DOK6: variants seen among roughly 807,000 people sequenced by gnomAD.
DOK6 encodes downstream of tyrosine kinase 6.
A neutral mutation model predicts 44.0 loss-of-function variants in DOK6; 22 were observed. The ratio of observed to expected loss-of-function variants is 0.50; its 90% CI spans 0.36 to 0.71. The LOEUF is 0.71. Among genes scored for constraint, DOK6 ranks in the 30% least tolerant of loss-of-function variants. The pLI, the probability that DOK6 is intolerant of heterozygous loss-of-function variation, is 0.00. For missense variants in DOK6, 340 were observed against 416.4 expected, an observed-to-expected ratio of 0.82 and a Z score of 1.60; for synonymous variants, 166 against 145.5, an observed-to-expected ratio of 1.14 and a Z score of -1.01.
chr18:69,709,206 T>A (rs2144713416), intron 5 of DOK6, among the ~76,000 whole-genome samples: 1 of 152,290 alleles, frequency 6.6e-6, no homozygotes, highest in African/African-American at 2.4e-5. Flanking sequence ...ATGGTGGTAA[T>A]AACCACATGC....
chr18:69,405,645 G>A (rs931871123), intron 1 of DOK6, among the ~76,000 whole-genome samples: 1 of 151,296 alleles, frequency 6.6e-6, no homozygotes, highest in African/African-American at 2.5e-5. Context: ...ATGTGCATAT[G>A]TGCATTTGTA....
intron 1 of DOK6, among the ~76,000 whole-genome samples, chr18:69,533,947 A>G (rs926717655): frequency 6.6e-6 from 1 of 152,196 alleles, no homozygotes; most frequent in Non-Finnish European, 1.5e-5. Flanking sequence ...AAATAAAGAC[A>G]GATAAAATGT....
In DOK6 at chr18:69,612,465, A is replaced by AGGGCGCATGTGTGCGAGGGCGCGTG. The variant is rs1984180059; in HGVS notation, c.289+12967_289+12968insGGGCGCATGTGTGCGAGGGCGCGTG. 4.8e-5 allele frequency among the ~76,000 whole-genome samples: 3 copies of AGGGCGCATGTGTGCGAGGGCGCGTG among 62,704 alleles called. 1 individual carries two copies. The highest frequency in any genetic ancestry group is 1.3e-4 in the African/African-American group (2 of 14,844). The allele number at this position is 62,704 out of a possible 152,430, so 41.1% of individuals were successfully genotyped here. ...AGGGCGCATGTGTGCGAGCGTGCAT[A>AGGGCGCATGTGTGCGAGGGCGCGTG]TGTATTTCTTGCTCTTTTCTAACAT... On this transcript the variant is annotated intron_variant, in intron 3 of 7. Coordinates refer to ENST00000382713, the MANE Select transcript of DOK6 (RefSeq NM_152721.6).
intron 7 of DOK6, among the ~76,000 whole-genome samples, chr18:69,821,785 A>AT (rs1394882414): frequency 8.6e-5 from 3 of 34,834 alleles, no homozygotes; most frequent in East Asian, 2.1e-3. Context: ...ATAGCATGCT[A>AT]TTGTTTTTTT....
At chr18:69,788,339 C>T (rs1980494980) in intron 7 of DOK6, among the ~76,000 whole-genome samples, 1 of 152,160 alleles carries the variant, frequency 6.6e-6, no homozygotes, top group African/African-American at 2.4e-5. Flanking sequence ...TTCTCACTCA[C>T]TTAAACAATT....
chr18:69,429,424 C>G (rs1330088122), intron 1 of DOK6, among the ~76,000 whole-genome samples: 1 of 151,400 alleles, frequency 6.6e-6, no homozygotes, highest in Non-Finnish European at 1.5e-5. Context: ...TTGGCTTTTC[C>G]TTATTTACTA....
intron 5 of DOK6, among the ~76,000 whole-genome samples, chr18:69,700,725 G>A (rs1986500991): frequency 6.6e-6 from 1 of 152,170 alleles, no homozygotes; most frequent in Admixed American, 6.5e-5. Context: ...TTGTTAAAAT[G>A]AGCCAGTGGG....
At chr18:69,415,123 T>C (rs774073148) in intron 1 of DOK6, among the ~76,000 whole-genome samples, 12 of 152,050 alleles carry the variant, frequency 7.9e-5, no homozygotes, top group African/African-American at 9.7e-5. Flanking sequence ...GCTTCAACCA[T>C]TGAATGGTAG....
intron 3 of DOK6, among the ~76,000 whole-genome samples, chr18:69,655,782 AAC>A (rs56837929): frequency 0.033 from 2,029 of 62,416 alleles, 125 homozygotes; most frequent in African/African-American, 0.05. Flanking sequence ...AAAAAAAAAA[AAC>A]AAAAGAACAA....
At chr18:69,735,659 G>A (rs911386852) in intron 5 of DOK6, among the ~76,000 whole-genome samples, 1 of 152,238 alleles carries the variant, frequency 6.6e-6, no homozygotes, top group African/African-American at 2.4e-5. Context: ...CCCCAGGACT[G>A]ACTCAGCTAT....
intron 1 of DOK6, among the ~76,000 whole-genome samples, chr18:69,562,478 T>G (rs943792980): frequency 6.6e-6 from 1 of 152,080 alleles, no homozygotes; most frequent in Non-Finnish European, 1.5e-5. Context: ...ATGCCTCCAG[T>G]TTTGTTCTTT....
At chr18:69,539,695 G>A (rs557826297) in intron 1 of DOK6, among the ~76,000 whole-genome samples, 1 of 151,870 alleles carries the variant, frequency 6.6e-6, no homozygotes, top group Non-Finnish European at 1.5e-5. Flanking sequence ...TATTTTGCAG[G>A]TTTTGCTATA....
At chr18:69,683,956 C>A (rs781329124) in intron 4 of DOK6, among the ~76,000 whole-genome samples, 1 of 151,988 alleles carries the variant, frequency 6.6e-6, no homozygotes, top group East Asian at 1.9e-4. Context: ...TTGTGTTCCA[C>A]GAAACACATA....
At chr18:69,672,134 G>A (rs917799863) in intron 3 of DOK6, among the ~76,000 whole-genome samples, 1 of 152,088 alleles carries the variant, frequency 6.6e-6, no homozygotes, top group Non-Finnish European at 1.5e-5. Context: ...AGGACTATTA[G>A]GTATCAGTGA....
At chr18:69,559,758 G>A (rs1358294297) in intron 1 of DOK6, among the ~76,000 whole-genome samples, 1 of 152,076 alleles carries the variant, frequency 6.6e-6, no homozygotes, top group African/African-American at 2.4e-5. Context: ...TTGAGATGAG[G>A]GTGCCAGCCC....
At chr18:69,835,158 C>T (rs1357457957) in intron 7 of DOK6, among the ~76,000 whole-genome samples, 2 of 152,146 alleles carry the variant, frequency 1.3e-5, no homozygotes, top group African/African-American at 4.8e-5. Flanking sequence ...AAAGCCTAAC[C>T]ATATCACCAT....
chr18:69,446,289 G>A (rs1367212655), intron 1 of DOK6, among the ~76,000 whole-genome samples: 1 of 144,142 alleles, frequency 6.9e-6, no homozygotes, highest in Non-Finnish European at 1.5e-5. Context: ...TCCCACCTAT[G>A]AGTGAGAACA....
At chr18:69,834,967 G>C (rs759047740) in intron 7 of DOK6, among the ~76,000 whole-genome samples, 2 of 152,176 alleles carry the variant, frequency 1.3e-5, no homozygotes, top group Non-Finnish European at 2.9e-5. Context: ...TCAGGCAAGA[G>C]AGCAAATGAT....
chr18:69,526,861 G>A lies in DOK6; in HGVS notation c.67-37626G>A, dbSNP rs115404409. Among the ~76,000 whole-genome samples the A allele has an allele frequency of 4.8e-3, 727 of 152,224 alleles. 6 individuals carry two copies. Among genetic ancestry groups the A allele is most frequent in the African/African-American group, 0.016 (679 of 41,538 alleles). On this transcript the variant is annotated intron_variant, in intron 1 of 7. Transcript: ENST00000382713. ...CTAACACATGTATATACATATATCC[G>A]TAAATATTTTTACATGGAACCATCT...
Sources: allele counts gnomAD v4.1 joint callset (sites outside exome capture counted in the v4.1 genomes callset), GRCh38; gene constraint gnomAD v4.1.1; transcripts MANE v1.5; gene names NCBI Gene and HGNC (gene_info 2026-07-23, HGNC 2026-07-21).